The following PDPR variants were observed in gnomAD, a reference collection of about 807,000 sequenced individuals.
PDPR encodes the protein pyruvate dehydrogenase phosphatase regulatory subunit, also known as pyruvate dehydrogenase phosphatase regulatory subunit, mitochondrial.
A neutral mutation model predicts 102.2 loss-of-function variants in PDPR; 50 were observed. The observed-to-expected ratio is 0.49, with a 90% CI of 0.39 to 0.62. The LOEUF is 0.62. Ranked by LOEUF, PDPR falls within the 20% of genes least tolerant of loss-of-function variation. The pLI is 0.00. For missense variants in PDPR, 625 were observed against 1,098.2 expected, an observed-to-expected ratio of 0.57 and a Z score of 6.09; for synonymous variants, 259 against 406.0, an observed-to-expected ratio of 0.64 and a Z score of 4.35.
At chr16:70,117,887 G>GT (rs1311109523) in intron 2 of PDPR, among the ~76,000 whole-genome samples, 2 of 152,134 alleles carry the variant, frequency 1.3e-5, no homozygotes, top group Non-Finnish European at 2.9e-5. Context: ...GAGGTCAGGA[G>GT]TTCAAGACCA....
intron 9 of PDPR, among the ~76,000 whole-genome samples, chr16:70,135,165 C>T (rs1381710025): frequency 1.3e-5 from 2 of 152,232 alleles, no homozygotes; most frequent in African/African-American, 4.8e-5. Context: ...TGGATTATGT[C>T]CTGATGGTAG....
chr16:70,124,976 T>C (rs546597947), intron 3 of PDPR, among the ~76,000 whole-genome samples: 257 of 152,324 alleles, frequency 1.7e-3, no homozygotes, highest in African/African-American at 5.8e-3. Context: ...CTAGCATTAC[T>C]GTAGCCTTTA....
At chr16:70,145,427 C>G (rs557247220) in intron 15 of PDPR, among the ~76,000 whole-genome samples, 1 of 152,216 alleles carries the variant, frequency 6.6e-6, no homozygotes, top group Non-Finnish European at 1.5e-5. Flanking sequence ...TGAGCCACCA[C>G]GCCCAGTCCC....
chr16:70,134,842 TGAAA>T (rs1964947331), intron 9 of PDPR, among the ~76,000 whole-genome samples: 1 of 152,116 alleles, frequency 6.6e-6, no homozygotes, highest in South Asian at 2.1e-4. Context: ...TTTAAAAAGA[TGAAA>T]GAGTCTCTAA....
rs1317168777 is a variant in PDPR, at chr16:70,159,501, A to T, written c.*2622A>T. The T allele has an allele frequency of 1.3e-5, 2 of 152,904 alleles. No homozygotes were observed. Among genetic ancestry groups the T allele is most frequent in the African/African-American group, 4.8e-5 (2 of 41,492 alleles). 9.5% of individuals were successfully genotyped at this position (152,904 alleles called of 1,614,324 possible). A position where few individuals can be genotyped will look rare whatever the true frequency, so the allele number is the denominator to read the frequency against. On this transcript the variant is annotated 3_prime_UTR_variant, in exon 19 of 19. Coordinates refer to ENST00000288050, the MANE Select transcript of PDPR (RefSeq NM_017990.5). Reference sequence around the variant, plus strand: ...ACAGATTTCTCTTCTAGCACTTTAGAGTTGATCCTTGAAGTCTCTCCTGGT... The same window carrying T: ...ACAGATTTCTCTTCTAGCACTTTAGTGTTGATCCTTGAAGTCTCTCCTGGT...
intron 17 of PDPR, 151 bp from the exon 18 acceptor site, chr16:70,153,240 C>A: frequency 2.3e-6 from 2 of 886,894 alleles, no homozygotes; most frequent in Non-Finnish European, 1.7e-6. Context: ...CTGGGCTGTG[C>A]CCTGAGCGTG....
chr16:70,122,489 C>T (rs1195300273), intron 3 of PDPR, among the ~76,000 whole-genome samples: 2 of 152,294 alleles, frequency 1.3e-5, no homozygotes, highest in East Asian at 1.9e-4. Flanking sequence ...CAGTGCACCA[C>T]ATCAGGAGGT....
chr16:70,153,635 C>G (rs1966856480), intron 18 of PDPR, 62 bp downstream of exon 18: 1 of 1,474,204 alleles, frequency 6.8e-7, no homozygotes, highest in Non-Finnish European at 9.1e-7. Flanking sequence ...CTGCACTAGA[C>G]TAGGAAGAAG....
chr16:70,156,655 TAC>T lies in PDPR; in HGVS notation c.2418_2419del (p.Tyr806Ter), dbSNP rs1567565943. The T allele has an allele frequency of 6.2e-7, 1 of 1,614,058 alleles. No individual in the cohort carries two copies. Reference sequence around the variant, plus strand: ...CAAGACCACCAGCAGTGCCTACAGCTACAGCCTGGAGCGCCACGTTTGCCTGG... The same window carrying T: ...CAAGACCACCAGCAGTGCCTACAGCTAGCCTGGAGCGCCACGTTTGCCTGG... ...VGKTTSSAYS[Y>X]SLERHVCLGF... On this transcript the variant is annotated frameshift_variant, in exon 19 of 19. Coordinates refer to ENST00000288050, the MANE Select transcript of PDPR (RefSeq NM_017990.5). LOFTEE classifies it high-confidence loss of function.
intron 10 of PDPR, among the ~76,000 whole-genome samples, chr16:70,138,561 C>T (rs1235612050): frequency 1.3e-5 from 2 of 152,138 alleles, no homozygotes; most frequent in South Asian, 2.1e-4. Flanking sequence ...ACTATGTTGC[C>T]CAGGCTGGTC....
Position 70,159,616 on chromosome 16 carries a change from C to T in PDPR, c.*2737C>T, listed in dbSNP as rs1361374355. 1 of 152,880 alleles carries T rather than the reference C, an allele frequency of 6.5e-6. No homozygotes were observed. The highest frequency in any genetic ancestry group is 1.5e-5 in the Non-Finnish European group (1 of 68,522). The allele number at this position is 152,880 out of a possible 1,614,324, so 9.5% of individuals were successfully genotyped here. Reference sequence around the variant, plus strand: ...AACAGACAGATCTGACAGTGAATGACTCTCCCCTGCTTCTGGCATAACTGC... The same window carrying T: ...AACAGACAGATCTGACAGTGAATGATTCTCCCCTGCTTCTGGCATAACTGC... On this transcript the variant is annotated 3_prime_UTR_variant, in exon 19 of 19. Transcript: ENST00000288050.
intron 11 of PDPR, among the ~76,000 whole-genome samples, chr16:70,139,275 C>T (rs1288605980): frequency 6.6e-6 from 1 of 152,368 alleles, no homozygotes; most frequent in Non-Finnish European, 1.5e-5. Context: ...ACAGTTGGTA[C>T]ATAGCAGCTT....
chr16:70,148,752 A>G (rs374592840), intron 17 of PDPR, among the ~76,000 whole-genome samples, 199 bp downstream of exon 17: 1 of 152,394 alleles, frequency 6.6e-6, no homozygotes, highest in African/African-American at 2.4e-5. Flanking sequence ...TAACTAAGTT[A>G]TATAAGTTTT....
intron 15 of PDPR, among the ~76,000 whole-genome samples, chr16:70,145,215 T>A (rs1428117366): frequency 6.6e-6 from 1 of 152,186 alleles, no homozygotes; most frequent in Non-Finnish European, 1.5e-5. Flanking sequence ...ATCATGCCAT[T>A]GCACCTCCAC....
rs1166917726 is a variant in PDPR at position 70,160,036 on chromosome 16, GA to G, written c.*3159del. ...TGTCATAGCATTTTGTGCTCACCAC[GA>G]AGGATGGTCTCTGCCTTCTCTTGTC... is the stretch of plus-strand genomic sequence containing the variant. On this transcript the variant is annotated 3_prime_UTR_variant, in exon 19 of 19. Coordinates refer to ENST00000288050, the MANE Select transcript of PDPR (RefSeq NM_017990.5). The G allele has an allele frequency of 6.5e-6, 1 of 153,032 alleles. No homozygotes were observed. The highest frequency in any genetic ancestry group is 2.4e-5 in the African/African-American group (1 of 41,598). The allele number at this position is 153,032 out of a possible 1,614,324, so 9.5% of individuals were successfully genotyped here.
At chr16:70,114,239 C>G, upstream of PDPR, 1 of 151,596 alleles carries the variant, frequency 6.6e-6, no homozygotes, top group East Asian at 1.9e-4. Context: ...GGTCACGCGC[C>G]GGCAGTACCC....
intron 3 of PDPR, among the ~76,000 whole-genome samples, chr16:70,121,547 C>T (rs1214253253): frequency 1.3e-5 from 2 of 152,278 alleles, no homozygotes; most frequent in East Asian, 1.9e-4. Context: ...CAAAAATTAG[C>T]TGGGCGTGGT....
chr16:70,162,783 G>A (rs1407318310), downstream of PDPR, among the ~76,000 whole-genome samples: 1 of 152,264 alleles, frequency 6.6e-6, no homozygotes, highest in Non-Finnish European at 1.5e-5. Flanking sequence ...CTGACCTCAG[G>A]AGGAACCTGC....
chr16:70,134,596 C>T (rs1964905553), intron 9 of PDPR, among the ~76,000 whole-genome samples: 1 of 151,170 alleles, frequency 6.6e-6, no homozygotes, highest in Non-Finnish European at 1.5e-5. Flanking sequence ...AGTTCAAGAC[C>T]AGCCTGGCCA....
Sources: allele counts gnomAD v4.1 joint callset (sites outside exome capture counted in the v4.1 genomes callset), GRCh38; gene constraint gnomAD v4.1.1; transcripts MANE v1.5; gene names NCBI Gene and HGNC (gene_info 2026-07-23, HGNC 2026-07-21).